Variants in UGT2B15 observed in about 807,000 individuals in gnomAD.
The protein encoded by UGT2B15 is UDP glucuronosyltransferase family 2 member B15, also known as UDP-glucuronosyltransferase 2B15.
In UGT2B15, 36 loss-of-function variants were observed where a neutral mutation model predicts 45.9. The ratio of observed to expected loss-of-function variants is 0.78; its 90% CI spans 0.60 to 1.04. The LOEUF (loss-of-function observed/expected upper bound fraction) is 1.04. Among genes scored for constraint, UGT2B15 ranks in the 50% least tolerant of loss-of-function variants. The pLI, the probability that UGT2B15 is intolerant of heterozygous loss-of-function variation, is 0.00. For synonymous variants in UGT2B15, 219 were observed against 216.4 expected (o/e 1.01, Z -0.11); for missense variants, 617 against 622.4 (o/e 0.99, Z 0.09).
At chr4:68,660,999 G>A (rs1732949466) in intron 3 of UGT2B15, among the ~76,000 whole-genome samples, 2 of 151,372 alleles carry the variant, frequency 1.3e-5, no homozygotes, top group East Asian at 3.9e-4. Flanking sequence ...CCTTTATTTT[G>A]TCTTCATAGG....
intron 3 of UGT2B15, among the ~76,000 whole-genome samples, chr4:68,658,546 A>C (rs1425920889): frequency 6.6e-6 from 1 of 152,100 alleles, no homozygotes; most frequent in Non-Finnish European, 1.5e-5. Flanking sequence ...ACCAAGCCCA[A>C]AACAGAATGA....
chr4:68,660,746 G>GT (rs1407851908), intron 3 of UGT2B15, among the ~76,000 whole-genome samples: 23 of 151,696 alleles, frequency 1.5e-4, no homozygotes, highest in Admixed American at 2.0e-4. Context: ...GTGTCTTCAG[G>GT]TTTTTTTTCC....
intron 5 of UGT2B15, among the ~76,000 whole-genome samples, chr4:68,650,594 GC>G (rs1196025446): frequency 6.6e-6 from 1 of 152,072 alleles, no homozygotes; most frequent in Non-Finnish European, 1.5e-5. Flanking sequence ...TGTAGATAGC[GC>G]TGCAATAGAC....
chr4:68,655,870 A>G (rs1732788379), intron 3 of UGT2B15, among the ~76,000 whole-genome samples: 1 of 152,082 alleles, frequency 6.6e-6, no homozygotes, highest in African/African-American at 2.4e-5. Context: ...TTTCTAAATT[A>G]TCTGAGAACT....
rs139485900 is a variant in UGT2B15 at position 68,666,627 on chromosome 4, G to T, written c.873+1413C>A. Among the ~76,000 whole-genome samples the T allele has an allele frequency of 8.1e-3, 1,222 of 151,482 alleles. 18 individuals carry two copies. The highest frequency in any genetic ancestry group is 0.028 in the African/African-American group (1,162 of 41,312). On this transcript the variant is annotated intron_variant, in intron 2 of 5. Coordinates refer to ENST00000338206, the MANE Select transcript of UGT2B15 (RefSeq NM_001076.4). ...GCCTTTTTGCAATATTATACATTGG[G>T]AATATTGGGATTTTTTAAAAGGAAA...
rs1357753406 is a variant in UGT2B15 at position 68,646,653 on chromosome 4, A to T, written c.*451T>A. ...CTTTTTTTTTTATGGCTTGGATGAC[A>T]CTTTATTTTCAGATCCAATACTAGA... On this transcript the variant is annotated 3_prime_UTR_variant, in exon 6 of 6. Transcript: ENST00000338206. 1 of 150,668 alleles carries T rather than the reference A, an allele frequency of 6.6e-6. No homozygotes were observed. The highest frequency in any genetic ancestry group is 1.5e-5 in the Non-Finnish European group (1 of 68,014). The allele number at this position is 150,668 out of a possible 1,614,324, so 9.3% of individuals were successfully genotyped here. A position where few individuals can be genotyped will look rare whatever the true frequency, so the allele number is the denominator to read the frequency against.
intron 4 of UGT2B15, among the ~76,000 whole-genome samples, chr4:68,654,701 A>C (rs2109824184): frequency 6.6e-6 from 1 of 152,076 alleles, no homozygotes; most frequent in African/African-American, 2.4e-5. Flanking sequence ...TATTCCCATA[A>C]AAAGTAGAGT....
chr4:68,661,973 G>A (rs17221777), intron 3 of UGT2B15, among the ~76,000 whole-genome samples: 8 of 151,996 alleles, frequency 5.3e-5, no homozygotes. Context: ...ACCATGTCTA[G>A]TACCAAACTA....
At chr4:68,661,642 T>G (rs1732970893) in intron 3 of UGT2B15, among the ~76,000 whole-genome samples, 1 of 152,110 alleles carries the variant, frequency 6.6e-6, no homozygotes, top group Non-Finnish European at 1.5e-5. Flanking sequence ...ATATTTAAAC[T>G]GCACATATGG....
chr4:68,654,147 A>G lies in UGT2B15; in HGVS notation c.1203T>C (p.His401=). Reference sequence around the variant, plus strand: ...TGGCTTTCATGTGAGCAATGTTATCATGTTGATCCGCAAACAAGGGAATGC... The same window carrying G: ...TGGCTTTCATGTGAGCAATGTTATCGTGTTGATCCGCAAACAAGGGAATGC... ...MVGIPLFADQ[H]DNIAHMKAKG... The change falls in exon 5 of 6, where the codon CAT becomes CAC. Residue 401 remains histidine (H), a synonymous_variant. Coordinates refer to ENST00000338206, the MANE Select transcript of UGT2B15 (RefSeq NM_001076.4). 2 of 1,613,660 alleles carry G rather than the reference A, an allele frequency of 1.2e-6. No homozygotes were observed. The highest frequency in any genetic ancestry group is 1.7e-6 in the Non-Finnish European group (2 of 1,179,720).
chr4:68,669,486 G>T (rs941397601), intron 1 of UGT2B15, among the ~76,000 whole-genome samples: 2 of 152,070 alleles, frequency 1.3e-5, no homozygotes, highest in Non-Finnish European at 2.9e-5. Flanking sequence ...AACTCAAAGA[G>T]AAACAAATTC....
At position 68,670,106 on chromosome 4, in the gene UGT2B15, G is replaced by A; in HGVS notation, c.513C>T (p.Tyr171=). 2 of 1,614,112 alleles carry A rather than the reference G, an allele frequency of 1.2e-6. No individual in the cohort carries two copies. The highest frequency in any genetic ancestry group is 1.7e-6 in the Non-Finnish European group (2 of 1,179,994). Residue 171 remains tyrosine (Y), a synonymous_variant, in exon 1 of 6, where the codon TAC becomes TAT. Transcript: ENST00000338206. ...LAELFNIPFL[Y]SLRFSVGYTF... ...TGTAGCCAACAGAGAATCGAAGACT[G>A]TACAGAAAGGGTATGTTAAATAGTT...
At chr4:68,651,249 T>C (rs1010526340) in intron 5 of UGT2B15, among the ~76,000 whole-genome samples, 15 of 152,138 alleles carry the variant, frequency 9.9e-5, no homozygotes, top group Non-Finnish European at 2.9e-5. Context: ...TGAATGATAT[T>C]GCCTAGGTTT....
chr4:68,670,258 A>C lies in UGT2B15; in HGVS notation c.361T>G (p.Tyr121Asp), dbSNP rs756451366. ...TTACAGAGCTTGTTACTGTAGTCATAATATTCCCAACACAATTCTTGTAAT... is the reference window on the plus strand; with the variant it reads ...TTACAGAGCTTGTTACTGTAGTCATCATATTCCCAACACAATTCTTGTAAT... ...SQLQELCWEY[Y>D]DYSNKLCKDA... The change falls in exon 1 of 6, where the codon TAT becomes GAT. Residue 121 changes from tyrosine to aspartate, a missense_variant. Tyr to Asp is a radical substitution (Grantham distance 160, BLOSUM62 -3). Transcript: ENST00000338206. The C allele has an allele frequency of 3.1e-6, 5 of 1,614,126 alleles. No individual in the cohort carries two copies. Among genetic ancestry groups the C allele is most frequent in the Non-Finnish European group, 4.2e-6 (5 of 1,180,006 alleles).
At chr4:68,654,786 G>A (rs1424018415) in intron 4 of UGT2B15, among the ~76,000 whole-genome samples, 4 of 151,908 alleles carry the variant, frequency 2.6e-5, no homozygotes, top group Admixed American at 6.6e-5. Flanking sequence ...AAGAACAGAG[G>A]TAAAGCTGCA....
chr4:68,657,679 C>T (rs1190992020), intron 3 of UGT2B15, among the ~76,000 whole-genome samples: 1 of 152,026 alleles, frequency 6.6e-6, no homozygotes, highest in African/African-American at 2.4e-5. Context: ...CTAGGTTGTC[C>T]TGCAAGCTAT....
intron 2 of UGT2B15, among the ~76,000 whole-genome samples, chr4:68,664,624 T>A (rs1402657308): frequency 6.6e-6 from 1 of 151,960 alleles, no homozygotes; most frequent in African/African-American, 2.4e-5. Flanking sequence ...TGGAGTGCAA[T>A]GATGCAATCT....
intron 2 of UGT2B15, among the ~76,000 whole-genome samples, chr4:68,666,039 A>G (rs138734966): frequency 1.3e-5 from 2 of 148,222 alleles, no homozygotes; most frequent in East Asian, 3.9e-4. Flanking sequence ...CTATTGTACT[A>G]CTAGTCATTT....
intron 5 of UGT2B15, among the ~76,000 whole-genome samples, chr4:68,651,810 C>T (rs1390400812): frequency 6.6e-6 from 1 of 152,034 alleles, no homozygotes. Context: ...TAGCATGATG[C>T]CTCCAGCTTT....
Sources: gnomAD v4.1 joint callset for allele counts (sites outside exome capture counted in the v4.1 genomes callset) on GRCh38, gnomAD v4.1.1 for gene constraint, MANE v1.5 for transcripts, NCBI Gene and HGNC (gene_info 2026-07-23, HGNC 2026-07-21) for gene names.